Variants in CPVL observed in about 807,000 individuals in gnomAD.
The protein encoded by CPVL is carboxypeptidase vitellogenic like.
In CPVL, 51 loss-of-function variants were observed where a neutral mutation model predicts 63.7. The observed-to-expected ratio is 0.80, with a 90% CI of 0.64 to 1.01. The LOEUF is 1.01. CPVL is among the 50% of genes least tolerant of loss of function. CPVL has a pLI of 0.00. For synonymous variants in CPVL, 195 were observed against 206.0 expected (o/e 0.95, Z 0.46); for missense variants, 530 against 573.1 (o/e 0.92, Z 0.77).
At chr7:29,025,487 T>C (rs1787401055) in intron 12 of CPVL, among the ~76,000 whole-genome samples, 1 of 152,128 alleles carries the variant, frequency 6.6e-6, no homozygotes. Context: ...ATGAGGAATC[T>C]TCCCCATCAC....
At chr7:29,131,454 T>C (rs6950695) in intron 1 of CPVL, among the ~76,000 whole-genome samples, 20,507 of 152,250 alleles carry the variant, frequency 0.13, 1,381 homozygotes, top group African/African-American at 0.15. Context: ...CTCGCTTCCA[T>C]GATTCTAGTA....
At chr7:29,003,144 ATGTG>A (rs1311695385) in intron 12 of CPVL, among the ~76,000 whole-genome samples, 1 of 135,570 alleles carries the variant, frequency 7.4e-6, no homozygotes, top group Non-Finnish European at 1.6e-5. Flanking sequence ...ACACTATAGT[ATGTG>A]TATGTGCACA....
intron 1 of CPVL, among the ~76,000 whole-genome samples, chr7:29,125,419 G>T: frequency 8.4e-6 from 1 of 119,352 alleles, no homozygotes; most frequent in South Asian, 2.8e-4. Flanking sequence ...TTGAGACAGA[G>T]TCTCGCTCTG....
chr7:29,175,529 C>T (rs920062642), intron 5 of CPVL, among the ~76,000 whole-genome samples: 2 of 152,104 alleles, frequency 1.3e-5, no homozygotes, highest in African/African-American at 2.4e-5. Context: ...CTCATACTCT[C>T]TTGCCTGCCG....
At chr7:29,121,236 T>C (rs13246846) in intron 1 of CPVL, among the ~76,000 whole-genome samples, 165 bp from the exon 2 acceptor site, 63,330 of 152,008 alleles carry the variant, frequency 0.42, 14,441 homozygotes, top group African/African-American at 0.62. Context: ...AATCCCTGCT[T>C]ACTCTTAAAT....
chr7:29,129,494 C>T (rs1584350072), intron 1 of CPVL, among the ~76,000 whole-genome samples: 2 of 130,402 alleles, frequency 1.5e-5, no homozygotes, highest in Non-Finnish European at 1.6e-5. Context: ...TTTTTTGAGA[C>T]GAGTCTCGCT....
chr7:29,077,207 G>C (rs1174053126), intron 7 of CPVL, among the ~76,000 whole-genome samples: 3 of 152,082 alleles, frequency 2.0e-5, no homozygotes, highest in African/African-American at 7.2e-5. Context: ...TATTAAAATG[G>C]AAACAATGTC....
intron 4 of CPVL, among the ~76,000 whole-genome samples, chr7:29,183,192 C>T (rs1378728378): frequency 1.3e-5 from 2 of 150,650 alleles, no homozygotes; most frequent in East Asian, 2.0e-4. Context: ...TCAAGCGATT[C>T]TCCTGCCTCA....
At chr7:29,156,164 A>G (rs1253656270) in intron 5 of CPVL, among the ~76,000 whole-genome samples, 1 of 152,192 alleles carries the variant, frequency 6.6e-6, no homozygotes, top group African/African-American at 2.4e-5. Flanking sequence ...TTTGACATTC[A>G]GGTCTATCTT....
At chr7:29,045,879 T>C (rs1476227917) in intron 11 of CPVL, among the ~76,000 whole-genome samples, 1 of 152,152 alleles carries the variant, frequency 6.6e-6, no homozygotes, top group Non-Finnish European at 1.5e-5. Context: ...GAACTCGCCA[T>C]TCCTAAAGGA....
intron 5 of CPVL, among the ~76,000 whole-genome samples, chr7:29,151,933 CAG>C (rs1562796263): frequency 2.6e-5 from 4 of 152,222 alleles, no homozygotes; most frequent in South Asian, 2.1e-4. Flanking sequence ...AAAGGACAAA[CAG>C]ATAGTAAACA....
At chr7:29,062,391 T>A (rs918290291) in intron 11 of CPVL, among the ~76,000 whole-genome samples, 1 of 152,142 alleles carries the variant, frequency 6.6e-6, no homozygotes, top group Admixed American at 6.5e-5. Context: ...CCACTACATG[T>A]CCCCAAGAAA....
In CPVL at chr7:29,117,700, T is replaced by G. The variant is rs184222046; in HGVS notation, c.169+3193A>C. ...GATATTTGATTTCTCCGGGCCTCAG[T>G]GTTCTCATTTGTAAAATGGGAACAA... On this transcript the variant is annotated intron_variant, in intron 2 of 12. Coordinates refer to ENST00000265394, the MANE Select transcript of CPVL (RefSeq NM_031311.5). Among the ~76,000 whole-genome samples, 17 of 152,308 alleles carry G rather than the reference T, an allele frequency of 1.1e-4. No individual in the cohort carries two copies. The East Asian group carries it at 3.3e-3, about 29-fold the overall frequency.
chr7:29,023,490 T>C (rs775467815), intron 12 of CPVL, among the ~76,000 whole-genome samples: 10 of 152,158 alleles, frequency 6.6e-5, no homozygotes, highest in Non-Finnish European at 1.2e-4. Flanking sequence ...GTGGGGATTA[T>C]GGGAGCTACA....
intron 1 of CPVL, among the ~76,000 whole-genome samples, chr7:29,134,418 A>C (rs1383064454): frequency 6.6e-6 from 1 of 152,234 alleles, no homozygotes; most frequent in African/African-American, 2.4e-5. Flanking sequence ...GACTTCAAGG[A>C]ACCATTGGGT....
intron 11 of CPVL, among the ~76,000 whole-genome samples, chr7:29,059,552 G>A (rs983470007): frequency 6.6e-6 from 1 of 152,162 alleles, no homozygotes; most frequent in Non-Finnish European, 1.5e-5. Flanking sequence ...ACATAGGTAC[G>A]TTAATCAAAG....
rs572710396 is a variant in CPVL, at chr7:29,032,140, T to C, written c.1138-1381A>G. On this transcript the variant is annotated intron_variant, in intron 11 of 12. Coordinates refer to ENST00000265394, the MANE Select transcript of CPVL (RefSeq NM_031311.5). ...TCTGATTTGGCCCGAGTGGAGACCT[T>C]TGGTTGAATCCTCAAATTGGATATA... is the stretch of plus-strand genomic sequence containing the variant. 3.3e-5 allele frequency among the ~76,000 whole-genome samples: 5 copies of C among 152,268 alleles called. No homozygotes were observed. The South Asian group carries it at 8.3e-4, about 25-fold the overall frequency.
At chr7:29,160,295 A>G (rs1400955190) in intron 5 of CPVL, among the ~76,000 whole-genome samples, 1 of 152,162 alleles carries the variant, frequency 6.6e-6, no homozygotes, top group Admixed American at 6.5e-5. Flanking sequence ...CTATTAGACT[A>G]ATGTTTCATA....
Position 29,145,095 on chromosome 7 carries a change from G to A in CPVL, c.-11+1334C>T, listed in dbSNP as rs186227018. ...GCCCAGTTAGCCAAACGGTCTTGACGACCATGCAGACTTTCATATGCCAAC... is the reference window on the plus strand; with the variant it reads ...GCCCAGTTAGCCAAACGGTCTTGACAACCATGCAGACTTTCATATGCCAAC... On this transcript the variant is annotated intron_variant, in intron 1 of 12. Coordinates refer to ENST00000265394, the MANE Select transcript of CPVL (RefSeq NM_031311.5). Among the ~76,000 whole-genome samples, 21 of 151,674 alleles carry A rather than the reference G, an allele frequency of 1.4e-4. No individual in the cohort carries two copies. In the East Asian group the frequency reaches 3.1e-3, roughly 22 times the overall value.
Sources: allele counts gnomAD v4.1 joint callset (sites outside exome capture counted in the v4.1 genomes callset), GRCh38; gene constraint gnomAD v4.1.1; transcripts MANE v1.5; gene names NCBI Gene and HGNC (gene_info 2026-07-23, HGNC 2026-07-21).